Variants in C20orf203 observed in about 807,000 individuals in gnomAD.
C20orf203 encodes the protein chromosome 20 open reading frame 203, also known as uncharacterized protein C20orf203.
Under a neutral mutation model 15.9 loss-of-function variants are expected in C20orf203, and 16 were observed. The ratio of observed to expected loss-of-function variants is 1.01; its 90% CI spans 0.68 to 1.53. C20orf203 has a LOEUF of 1.53. Among genes scored for constraint, C20orf203 ranks in the 40% most tolerant of loss-of-function variants. The pLI, the probability that C20orf203 is intolerant of heterozygous loss-of-function variation, is 0.00. For synonymous variants in C20orf203, 98 were observed against 97.2 expected, an observed-to-expected ratio of 1.01 and a Z score of -0.05; for missense variants, 263 against 247.5, an observed-to-expected ratio of 1.06 and a Z score of -0.42.
chr20:32,668,995 C>A (rs567949199), intron 1 of C20orf203, among the ~76,000 whole-genome samples: 1 of 152,182 alleles, frequency 6.6e-6, no homozygotes, highest in Non-Finnish European at 1.5e-5. Context: ...TCTACAAAAT[C>A]GAAGTTTTCC....
chr20:32,646,175 ATTTT>A (rs555458436), intron 4 of C20orf203, among the ~76,000 whole-genome samples: 82 of 105,882 alleles, frequency 7.7e-4, no homozygotes, highest in South Asian at 1.8e-3. Flanking sequence ...CTTGATCCCA[ATTTT>A]TTTTTTTTTT....
At chr20:32,646,193 T>G (rs1290896865) in intron 4 of C20orf203, among the ~76,000 whole-genome samples, 1 of 151,258 alleles carries the variant, frequency 6.6e-6, no homozygotes, top group Non-Finnish European at 1.5e-5. Flanking sequence ...TTTTTTTTTT[T>G]TTTTGAGACA....
intron 1 of C20orf203, among the ~76,000 whole-genome samples, chr20:32,667,189 G>A (rs1196472753): frequency 6.6e-6 from 1 of 152,056 alleles, no homozygotes; most frequent in East Asian, 1.9e-4. Flanking sequence ...AGGTAAGGTC[G>A]AAGCAGTGGG....
intron 1 of C20orf203, among the ~76,000 whole-genome samples, chr20:32,653,638 C>T (rs1183082582): frequency 6.6e-6 from 1 of 152,128 alleles, no homozygotes; most frequent in African/African-American, 2.4e-5. Context: ...GTGCTTTCCC[C>T]AAGACCAGGA....
At chr20:32,656,873 A>AAAAAAAAAAAAAAAAAC (rs1555817204) in intron 1 of C20orf203, 5 of 151,904 alleles carry the variant, frequency 3.3e-5, no homozygotes, top group Non-Finnish European at 4.4e-5. Flanking sequence ...CAAAAAAAAA[A>AAAAAAAAAAAAAAAAAC]TCTTACATGA....
chr20:32,668,842 G>C (rs1423174302), intron 1 of C20orf203, among the ~76,000 whole-genome samples: 3 of 151,862 alleles, frequency 2.0e-5, no homozygotes, highest in African/African-American at 7.3e-5. Flanking sequence ...ATGAATAAAT[G>C]TTTAATTCTG....
intron 1 of C20orf203, among the ~76,000 whole-genome samples, chr20:32,660,176 G>C (rs915535828): frequency 1.3e-5 from 2 of 152,174 alleles, no homozygotes; most frequent in African/African-American, 4.8e-5. Flanking sequence ...CTCTGAGGCT[G>C]TGCGGTAAGC....
chr20:32,634,861 G>T (rs1236135797), intron 5 of C20orf203, among the ~76,000 whole-genome samples: 5 of 152,124 alleles, frequency 3.3e-5, no homozygotes, highest in Admixed American at 2.6e-4. Context: ...CTTCACAGTG[G>T]TTATCTCTGG....
chr20:32,667,689 TAGAC>T (rs966111128), intron 1 of C20orf203, among the ~76,000 whole-genome samples: 1 of 152,162 alleles, frequency 6.6e-6, no homozygotes, highest in African/African-American at 2.4e-5. Context: ...TTTATTTTTT[TAGAC>T]AGAGTCTTGC....
chr20:32,671,938 G>C (rs6058802), intron 1 of C20orf203, among the ~76,000 whole-genome samples: 1 of 151,450 alleles, frequency 6.6e-6, no homozygotes, highest in Admixed American at 6.6e-5. Context: ...AATGGGTATA[G>C]AGTTTCAGTC....
chr20:32,638,163 A>G (rs1001108812), intron 5 of C20orf203, among the ~76,000 whole-genome samples: 2 of 152,088 alleles, frequency 1.3e-5, no homozygotes, highest in African/African-American at 4.8e-5. Context: ...CTGGGGCAGG[A>G]CCCTGAGCTC....
At position 32,641,627 on chromosome 20, in the gene C20orf203, C is replaced by G. The variant is rs141664509; in HGVS notation, c.*1178-940G>C. Reference sequence around the variant, plus strand: ...CAATTTCTCTATATCCTCACCAACACTTGTTCTTATTTGTCTTTTTTATTC... The same window carrying G: ...CAATTTCTCTATATCCTCACCAACAGTTGTTCTTATTTGTCTTTTTTATTC... On this transcript the variant is annotated intron_variant, in intron 4 of 5. Transcript: ENST00000608990. Among the ~76,000 whole-genome samples the G allele has an allele frequency of 8.4e-3, 1,279 of 152,202 alleles. 25 individuals are homozygous for G. The highest frequency in any genetic ancestry group is 0.03 in the African/African-American group (1,238 of 41,526).
At chr20:32,645,782 C>T (rs1982408820) in intron 4 of C20orf203, among the ~76,000 whole-genome samples, 1 of 152,250 alleles carries the variant, frequency 6.6e-6, no homozygotes, top group Non-Finnish European at 1.5e-5. Flanking sequence ...CAGCTACTTG[C>T]CCAAGGCCAC....
intron 5 of C20orf203, among the ~76,000 whole-genome samples, chr20:32,638,472 C>T (rs934339686): frequency 6.6e-6 from 1 of 152,166 alleles, no homozygotes; most frequent in Non-Finnish European, 1.5e-5. Flanking sequence ...GGTGAAGTCA[C>T]TTGCCCAGGG....
At chr20:32,643,484 C>T (rs1410725222) in intron 4 of C20orf203, among the ~76,000 whole-genome samples, 4 of 152,132 alleles carry the variant, frequency 2.6e-5, no homozygotes, top group Non-Finnish European at 5.9e-5. Flanking sequence ...GTGTGGAGGA[C>T]GGGAAAGTGT....
At chr20:32,648,706 C>T (rs952496171) in intron 4 of C20orf203, among the ~76,000 whole-genome samples, 3 of 151,686 alleles carry the variant, frequency 2.0e-5, no homozygotes, top group Non-Finnish European at 4.4e-5. Context: ...CCTGCCTCGG[C>T]CTCTCAAAGC....
At chr20:32,670,913 C>T (rs1249353355) in intron 1 of C20orf203, among the ~76,000 whole-genome samples, 1 of 151,254 alleles carries the variant, frequency 6.6e-6, no homozygotes, top group African/African-American at 2.4e-5. Context: ...AAGTGGTCAA[C>T]AAGAACATGA....
chr20:32,669,375 T>C (rs568171578), intron 1 of C20orf203, among the ~76,000 whole-genome samples: 4 of 152,362 alleles, frequency 2.6e-5, no homozygotes, highest in Non-Finnish European at 5.9e-5. Flanking sequence ...GGAACACTTC[T>C]GGCTGACCTG....
In C20orf203 at chr20:32,633,663, C is replaced by T. The variant is rs1288698423; in HGVS notation, c.*1907G>A. On this transcript the variant is annotated 3_prime_UTR_variant, in exon 6 of 6. Coordinates refer to ENST00000608990, the MANE Select transcript of C20orf203 (RefSeq NM_182584.4). Reference sequence around the variant, plus strand: ...AGAAGCTGTCCCTGGCACAGGGTCACAATTTGAACCTGGACAGGGGCTCCA... The same window carrying T: ...AGAAGCTGTCCCTGGCACAGGGTCATAATTTGAACCTGGACAGGGGCTCCA... 1.8e-5 allele frequency: 4 copies of T among 227,872 alleles called. No individual in the cohort carries two copies. The highest frequency in any genetic ancestry group is 5.7e-5 in the Admixed American group (1 of 17,550). 14.1% of individuals were successfully genotyped at this position (227,872 alleles called of 1,614,324 possible). A position where few individuals can be genotyped will look rare whatever the true frequency, so the allele number is the denominator to read the frequency against.
Sources: gnomAD v4.1 joint callset for allele counts (sites outside exome capture counted in the v4.1 genomes callset) on GRCh38, gnomAD v4.1.1 for gene constraint, MANE v1.5 for transcripts, NCBI Gene and HGNC (gene_info 2026-07-23, HGNC 2026-07-21) for gene names.